MAD1L1: variants seen among roughly 807,000 people sequenced by gnomAD.
The protein encoded by MAD1L1 is mitotic arrest deficient 1 like 1, also known as mitotic spindle assembly checkpoint protein MAD1.
A neutral mutation model predicts 96.9 loss-of-function variants in MAD1L1; 95 were observed. The ratio of observed to expected loss-of-function variants is 0.98; its 90% confidence interval spans 0.83 to 1.16. The LOEUF (loss-of-function observed/expected upper bound fraction) is 1.16, where lower values mean the gene tolerates loss of function less well. Ranked by LOEUF, MAD1L1 falls within the 50% of genes most tolerant of loss-of-function variation. The pLI is 0.00. For missense variants in MAD1L1, 1,007 were observed against 954.4 expected (o/e 1.06, Z -0.73); for synonymous variants, 473 against 396.6 (o/e 1.19, Z -2.29).
chr7:2,180,818 G>A (rs920774851), intron 10 of MAD1L1, among the ~76,000 whole-genome samples: 5 of 152,044 alleles, frequency 3.3e-5, no homozygotes, highest in African/African-American at 1.2e-4. Context: ...GTTTTTTAAT[G>A]TATAAAATCA....
chr7:2,161,978 G>C (rs1172326217), intron 10 of MAD1L1, among the ~76,000 whole-genome samples: 1 of 146,846 alleles, frequency 6.8e-6, no homozygotes, highest in Admixed American at 6.7e-5. Flanking sequence ...GAGGTGGGGG[G>C]CGGCCCCCGC....
At chr7:2,012,799 C>T (rs1033675853) in intron 13 of MAD1L1, among the ~76,000 whole-genome samples, 4 of 152,158 alleles carry the variant, frequency 2.6e-5, no homozygotes, top group African/African-American at 9.7e-5. Context: ...TGCATGTGGG[C>T]CCTGGGCCTG....
chr7:2,075,787 G>A (rs1002235781), intron 11 of MAD1L1, among the ~76,000 whole-genome samples: 2 of 152,144 alleles, frequency 1.3e-5, no homozygotes, highest in South Asian at 2.1e-4. Flanking sequence ...ACATTTTAAC[G>A]ACCTTCCTCA....
At chr7:1,944,993 G>A (rs960198669) in intron 16 of MAD1L1, among the ~76,000 whole-genome samples, 2 of 152,218 alleles carry the variant, frequency 1.3e-5, no homozygotes, top group Non-Finnish European at 2.9e-5. Flanking sequence ...GGAAGCAGAG[G>A]GAGACGGGTA....
intron 18 of MAD1L1, among the ~76,000 whole-genome samples, chr7:1,864,477 C>A (rs941822531): frequency 2.0e-5 from 3 of 152,236 alleles, no homozygotes; most frequent in Admixed American, 6.5e-5. Flanking sequence ...CTTCTGAACA[C>A]CCCCCTGCCG....
Position 2,210,415 on chromosome 7 carries a change from CGTATTCGGG to C in MAD1L1, c.986+2788_986+2796del, listed in dbSNP as rs1562375024. On this transcript the variant is annotated intron_variant, in intron 10 of 18. Coordinates refer to ENST00000265854, the MANE Select transcript of MAD1L1 (RefSeq NM_001013836.2). ...AAACCCTCCCGGTGATTCTAGGAGC[CGTATTCGGG>C]ACCGCCAGCCCGCATTCCCGTGGAC... Among the ~76,000 whole-genome samples the C allele has an allele frequency of 7.1e-4, 103 of 144,238 alleles. 4 individuals carry two copies. Among genetic ancestry groups the C allele is most frequent in the African/African-American group, 2.4e-3 (96 of 40,252 alleles). 94.6% of individuals were successfully genotyped at this position (144,238 alleles called of 152,430 possible).
chr7:2,036,499 C>T (rs887099399), intron 12 of MAD1L1, among the ~76,000 whole-genome samples: 5 of 152,216 alleles, frequency 3.3e-5, no homozygotes, highest in East Asian at 1.9e-4. Flanking sequence ...GAGGACAATC[C>T]ATCCGGTCGT....
intron 11 of MAD1L1, among the ~76,000 whole-genome samples, chr7:2,116,044 T>C (rs1787672965): frequency 6.6e-6 from 1 of 152,232 alleles, no homozygotes; most frequent in Non-Finnish European, 1.5e-5. Context: ...CCACACTCCC[T>C]AACCCGAATA....
chr7:1,930,934 T>TCTCAGG (rs1789436785), intron 17 of MAD1L1, among the ~76,000 whole-genome samples: 1 of 152,136 alleles, frequency 6.6e-6, no homozygotes, highest in Non-Finnish European at 1.5e-5. Flanking sequence ...TCCGTCTCTG[T>TCTCAGG]CTCAGGCTCA....
Position 1,855,443 on chromosome 7 carries a change from G to T in MAD1L1, c.1999-39215C>A, listed in dbSNP as rs141377023. Among the ~76,000 whole-genome samples the T allele has an allele frequency of 1.5e-3, 229 of 152,124 alleles. 2 individuals are homozygous for T. Among genetic ancestry groups the T allele is most frequent in the African/African-American group, 5.2e-3 (215 of 41,476 alleles). On this transcript the variant is annotated intron_variant, in intron 18 of 18. Transcript: ENST00000265854. ...TGTGCCCGCATCTGACTATAACAGC[G>T]GGAGGAAAGGCTGCACCTCAACGCC...
At chr7:2,111,104 C>A (rs888525776) in intron 11 of MAD1L1, among the ~76,000 whole-genome samples, 1 of 152,144 alleles carries the variant, frequency 6.6e-6, no homozygotes, top group Admixed American at 6.5e-5. Context: ...AGTCCTCCGA[C>A]GAAAAGTAAA....
intron 11 of MAD1L1, among the ~76,000 whole-genome samples, chr7:2,070,948 T>C (rs1199349238): frequency 2.7e-5 from 4 of 149,186 alleles, no homozygotes; most frequent in Non-Finnish European, 4.5e-5. Flanking sequence ...AGCTTCATCC[T>C]GGGGCTGGTG....
At chr7:1,872,030 C>T in intron 18 of MAD1L1, among the ~76,000 whole-genome samples, 1 of 152,198 alleles carries the variant, frequency 6.6e-6, no homozygotes, top group South Asian at 2.1e-4. Context: ...CAGCATGACT[C>T]CCAGGCGGCA....
intron 11 of MAD1L1, 30 bp from the exon 12 acceptor site, chr7:2,069,368 A>G (rs1176309459): frequency 1.3e-6 from 2 of 1,551,644 alleles, no homozygotes; most frequent in African/African-American, 1.4e-5. Flanking sequence ...GGGCAAAGCA[A>G]TGAAGCCTGG....
intron 18 of MAD1L1, among the ~76,000 whole-genome samples, chr7:1,838,230 C>T (rs562223375): frequency 3.9e-5 from 6 of 152,336 alleles, no homozygotes; most frequent in African/African-American, 4.8e-5. Flanking sequence ...CAGACAGTGG[C>T]GCGTGCTGGG....
intron 11 of MAD1L1, among the ~76,000 whole-genome samples, chr7:2,107,215 C>A (rs750091444): frequency 6.6e-6 from 1 of 152,134 alleles, no homozygotes; most frequent in Admixed American, 6.5e-5. Flanking sequence ...GTGTGTGGGG[C>A]GGGACAGTCA....
chr7:1,884,334 G>A (rs910488491), intron 18 of MAD1L1, among the ~76,000 whole-genome samples: 40 of 152,320 alleles, frequency 2.6e-4, no homozygotes, highest in Admixed American at 2.3e-3. Context: ...CCTAGCCACC[G>A]ACCCACATGT....
intron 11 of MAD1L1, among the ~76,000 whole-genome samples, chr7:2,111,628 T>C (rs1223767931): frequency 6.6e-6 from 1 of 152,176 alleles, no homozygotes; most frequent in Non-Finnish European, 1.5e-5. Flanking sequence ...CCAACACGGC[T>C]GGGGGCTGCA....
At chr7:1,862,288 G>A (rs951299391) in intron 18 of MAD1L1, among the ~76,000 whole-genome samples, 3 of 152,224 alleles carry the variant, frequency 2.0e-5, no homozygotes, top group Non-Finnish European at 4.4e-5. Flanking sequence ...TGTGAGGACT[G>A]AAATATCTCC....
Sources: allele counts gnomAD v4.1 joint callset (sites outside exome capture counted in the v4.1 genomes callset), GRCh38; gene constraint gnomAD v4.1.1; transcripts MANE v1.5; gene names NCBI Gene and HGNC (gene_info 2026-07-23, HGNC 2026-07-21).